Variants in ADAMTSL1 observed in about 807,000 individuals in gnomAD.
ADAMTSL1 encodes the protein ADAMTS-like protein 1.
ADAMTSL1 carries 126 observed loss-of-function variants against 201.8 expected under a neutral mutation model. The ratio of observed to expected loss-of-function variants is 0.62; its 90% CI spans 0.54 to 0.72. The LOEUF is 0.72. Among genes scored for constraint, ADAMTSL1 ranks in the 30% least tolerant of loss-of-function variants. The probability of loss-of-function intolerance (pLI) is 0.00; values close to 1 mark genes in which losing one functional copy is unlikely to be tolerated. For missense variants in ADAMTSL1, 2,679 were observed against 2,277.8 expected (o/e 1.18, Z -3.59); for synonymous variants, 1,121 against 903.4 (o/e 1.24, Z -4.32).
intron 1 of ADAMTSL1, among the ~76,000 whole-genome samples, chr9:18,124,077 G>GTTTTTTTTT (rs1157492042): frequency 3.1e-4 from 22 of 70,812 alleles, no homozygotes; most frequent in Non-Finnish European, 3.7e-4. Context: ...TTATTTGCCA[G>GTTTTTTTTT]TTTTTTTTTT....
At chr9:18,350,762 G>A (rs1586945301) in intron 2 of ADAMTSL1, among the ~76,000 whole-genome samples, 1 of 152,124 alleles carries the variant, frequency 6.6e-6, no homozygotes, top group African/African-American at 2.4e-5. Flanking sequence ...GAGACCTCAT[G>A]TTATTAGAGA....
chr9:18,865,841 A>G (rs1418053867), intron 23 of ADAMTSL1, among the ~76,000 whole-genome samples: 1 of 152,116 alleles, frequency 6.6e-6, no homozygotes, highest in Admixed American at 6.6e-5. Flanking sequence ...AAGCCCTTTA[A>G]TAGCTGAGGC....
intron 14 of ADAMTSL1, among the ~76,000 whole-genome samples, chr9:18,710,114 T>G (rs1356007388): frequency 6.6e-6 from 1 of 151,972 alleles, no homozygotes; most frequent in African/African-American, 2.4e-5. Flanking sequence ...CCCTTAGAGT[T>G]TTTCCCTCCT....
chr9:18,719,606 C>T (rs912753227), intron 14 of ADAMTSL1, among the ~76,000 whole-genome samples: 1 of 152,176 alleles, frequency 6.6e-6, no homozygotes, highest in Admixed American at 6.5e-5. Context: ...TCAGGTCATC[C>T]GTCCACCCTG....
chr9:18,299,429 G>T (rs915839272), intron 2 of ADAMTSL1, among the ~76,000 whole-genome samples: 1 of 152,144 alleles, frequency 6.6e-6, no homozygotes, highest in Non-Finnish European at 1.5e-5. Flanking sequence ...AGTTGGAATG[G>T]CAGTTTAAAG....
rs1387885070 is a variant in ADAMTSL1, at chr9:18,751,887, G to A, written c.2007-1411G>A. 8.4e-3 allele frequency among the ~76,000 whole-genome samples: 25 copies of A among 2,988 alleles called. 12 individuals carry two copies. Among genetic ancestry groups the A allele is most frequent in the Non-Finnish European group, 0.017 (19 of 1,126 alleles). 2.0% of individuals were successfully genotyped at this position (2,988 alleles called of 152,430 possible). On this transcript the variant is annotated intron_variant, in intron 15 of 28. Transcript: ENST00000380548. ...GGGCGGATCACGAGGTCGGGAGATC[G>A]AGGCCATCCCGGCTAAAACGGTGAA...
chr9:18,446,982 T>TTTTTTTTTTTTTTTTTTTTTTTTTG (rs1563966224), intron 2 of ADAMTSL1, among the ~76,000 whole-genome samples: 2 of 151,926 alleles, frequency 1.3e-5, no homozygotes, highest in African/African-American at 4.8e-5. Context: ...TTTTTTTTTT[T>TTTTTTTTTTTTTTTTTTTTTTTTTG]AAACAAAACT....
At chr9:18,416,529 A>C (rs553056300) in intron 2 of ADAMTSL1, among the ~76,000 whole-genome samples, 2 of 152,144 alleles carry the variant, frequency 1.3e-5, no homozygotes, top group African/African-American at 2.4e-5. Context: ...TTCAAGAAGT[A>C]TATTTTAAAT....
intron 2 of ADAMTSL1, among the ~76,000 whole-genome samples, chr9:18,254,070 AG>A (rs1368110027): frequency 6.6e-6 from 1 of 152,222 alleles, no homozygotes; most frequent in African/African-American, 2.4e-5. Flanking sequence ...TAAGAGCCTG[AG>A]CTCTGGAGTC....
chr9:18,293,535 A>G (rs1204994692), intron 2 of ADAMTSL1, among the ~76,000 whole-genome samples: 1 of 152,234 alleles, frequency 6.6e-6, no homozygotes, highest in African/African-American at 2.4e-5. Flanking sequence ...AGCTCAGCGG[A>G]GAATACCGAA....
chr9:18,085,710 T>A (rs1484930578), intron 1 of ADAMTSL1, among the ~76,000 whole-genome samples: 2 of 151,020 alleles, frequency 1.3e-5, no homozygotes, highest in Non-Finnish European at 2.9e-5. Context: ...ATATATATAC[T>A]GTGTGTGTAT....
rs547587410 is a variant in ADAMTSL1 at position 17,923,447 on chromosome 9, G to T, written c.87+16525G>T. On this transcript the variant is annotated intron_variant, in intron 1 of 29. Coordinates refer to the ADAMTSL1 transcript ENST00000680146. ...TCATGATTTGGCTCTCTGTTTGTCTGTTGTTGGTGTATAAGAATGCTTGTG... is the reference window on the plus strand; with the variant it reads ...TCATGATTTGGCTCTCTGTTTGTCTTTTGTTGGTGTATAAGAATGCTTGTG... Among the ~76,000 whole-genome samples, 706 of 150,086 alleles carry T rather than the reference G, an allele frequency of 4.7e-3. 6 individuals carry two copies. Among genetic ancestry groups the T allele is most frequent in the African/African-American group, 0.016 (665 of 40,772 alleles).
chr9:18,260,559 C>T (rs1044464043), intron 2 of ADAMTSL1, among the ~76,000 whole-genome samples: 2 of 152,354 alleles, frequency 1.3e-5, no homozygotes, highest in African/African-American at 4.8e-5. Flanking sequence ...CACCATTGGC[C>T]ATCCCAACCT....
chr9:18,072,225 T>G (rs1224081419), intron 1 of ADAMTSL1, among the ~76,000 whole-genome samples: 1 of 152,216 alleles, frequency 6.6e-6, no homozygotes, highest in Non-Finnish European at 1.5e-5. Flanking sequence ...TTCATTACTT[T>G]CGATGGCAGC....
chr9:18,273,253 G>T (rs1259071056), intron 2 of ADAMTSL1, among the ~76,000 whole-genome samples: 1 of 152,098 alleles, frequency 6.6e-6, no homozygotes, highest in African/African-American at 2.4e-5. Flanking sequence ...TATATTTTTT[G>T]TATTTTCAGT....
In ADAMTSL1 at chr9:18,681,700, G is replaced by GT. The variant is rs1830490456; in HGVS notation, c.1342-112_1342-111insT. 1.8e-5 allele frequency: 12 copies of GT among 673,510 alleles called. No homozygotes were observed. The East Asian group carries it at 3.8e-4, about 21-fold the overall frequency. The allele number at this position is 673,510 out of a possible 1,614,324, so 41.7% of individuals were successfully genotyped here. A position where few individuals can be genotyped will look rare whatever the true frequency, so the allele number is the denominator to read the frequency against. On this transcript the variant is annotated intron_variant, in intron 11 of 28. Coordinates refer to ENST00000380548, the MANE Select transcript of ADAMTSL1 (RefSeq NM_001040272.6). ...AAATTTACCAGGAGTCCTCGTGTGG[G>GT]GGGGGGGGGCGGGGAAAAAGAAAAC...
chr9:18,160,176 A>G (rs1404332261), intron 1 of ADAMTSL1, among the ~76,000 whole-genome samples: 1 of 152,036 alleles, frequency 6.6e-6, no homozygotes, highest in East Asian at 1.9e-4. Context: ...TTGGTGTGCC[A>G]TGAATCAGAA....
chr9:17,974,120 G>C (rs200015889), intron 1 of ADAMTSL1, among the ~76,000 whole-genome samples: 3 of 151,892 alleles, frequency 2.0e-5, no homozygotes, highest in African/African-American at 7.2e-5. Context: ...CTATCTATGA[G>C]AAACCCACAG....
intron 14 of ADAMTSL1, among the ~76,000 whole-genome samples, chr9:18,716,709 A>G (rs562782026): frequency 2.4e-4 from 36 of 148,818 alleles, no homozygotes; most frequent in African/African-American, 8.9e-4. Flanking sequence ...AACTAGAAAT[A>G]CCATTTGATC....
Sources: gnomAD v4.1 joint callset for allele counts (sites outside exome capture counted in the v4.1 genomes callset) on GRCh38, gnomAD v4.1.1 for gene constraint, MANE v1.5 for transcripts, NCBI Gene and HGNC (gene_info 2026-07-23, HGNC 2026-07-21) for gene names.